PTPRD: variants seen among roughly 807,000 people sequenced by gnomAD.
PTPRD encodes protein tyrosine phosphatase receptor type D.
In PTPRD, 34 loss-of-function variants were observed where a neutral mutation model predicts 214.5. That is an observed-to-expected ratio of 0.16 (90% CI 0.12 to 0.21). The LOEUF is 0.21. Ranked by LOEUF, PTPRD falls within the 10% of genes least tolerant of loss-of-function variation. The probability of loss-of-function intolerance (pLI) is 1.00; values close to 1 mark genes in which losing one functional copy is unlikely to be tolerated. For synonymous variants in PTPRD, 1,128 were observed against 845.7 expected, an observed-to-expected ratio of 1.33 and a Z score of -5.79; for missense variants, 2,545 against 2,398.7, an observed-to-expected ratio of 1.06 and a Z score of -1.27.
chr9:10,027,073 T>C (rs953150310), intron 4 of PTPRD, among the ~76,000 whole-genome samples: 1 of 152,200 alleles, frequency 6.6e-6, no homozygotes, highest in Non-Finnish European at 1.5e-5. Flanking sequence ...GGGGCAATTC[T>C]TTCTATTAAT....
At chr9:9,654,145 T>C (rs1266880798) in intron 7 of PTPRD, among the ~76,000 whole-genome samples, 2 of 152,134 alleles carry the variant, frequency 1.3e-5, no homozygotes, top group African/African-American at 2.4e-5. Context: ...CAGGCTACAT[T>C]ATAATGTTTC....
chr9:10,275,174 C>A (rs181023975), intron 3 of PTPRD, among the ~76,000 whole-genome samples: 2 of 152,208 alleles, frequency 1.3e-5, no homozygotes, highest in African/African-American at 4.8e-5. Context: ...TACAGCAAAA[C>A]CTTCCTGTAG....
intron 12 of PTPRD, among the ~76,000 whole-genome samples, chr9:8,700,150 A>C (rs1374904703): frequency 1.3e-5 from 2 of 152,174 alleles, no homozygotes; most frequent in Admixed American, 1.3e-4. Context: ...CTTTTTAATC[A>C]ATGCATGTGA....
chr9:8,571,553 G>C (rs1248816067), intron 14 of PTPRD, among the ~76,000 whole-genome samples: 1 of 151,980 alleles, frequency 6.6e-6, no homozygotes, highest in Non-Finnish European at 1.5e-5. Flanking sequence ...AAAATCAATG[G>C]TTTTCTTCAC....
intron 3 of PTPRD, among the ~76,000 whole-genome samples, chr9:10,331,594 G>A (rs1432983530): frequency 2.0e-5 from 3 of 151,764 alleles, no homozygotes; most frequent in Non-Finnish European, 4.4e-5. Context: ...TCCTGCTCTT[G>A]TGTTATACAC....
chr9:9,908,676 A>G (rs1409368225), intron 5 of PTPRD, among the ~76,000 whole-genome samples: 1 of 152,032 alleles, frequency 6.6e-6, no homozygotes, highest in East Asian at 1.9e-4. Flanking sequence ...TTAATATGTG[A>G]GTTTTCTGTT....
chr9:9,676,289 A>G (rs1370166188), intron 7 of PTPRD, among the ~76,000 whole-genome samples: 2 of 48,968 alleles, frequency 4.1e-5, no homozygotes, highest in South Asian at 1.6e-3. Flanking sequence ...CCCCCACCCC[A>G]CAACAGGCCC....
At chr9:8,417,590 G>T (rs1320302460) in intron 35 of PTPRD, among the ~76,000 whole-genome samples, 1 of 152,116 alleles carries the variant, frequency 6.6e-6, no homozygotes, top group Non-Finnish European at 1.5e-5. Flanking sequence ...CATTAACAAA[G>T]AACTGCATTG....
At chr9:8,507,154 G>T in intron 22 of PTPRD, 147 bp downstream of exon 22, 1 of 825,804 alleles carries the variant, frequency 1.2e-6, no homozygotes, top group Non-Finnish European at 1.7e-6. Context: ...GGGGGGAGGG[G>T]GAGTCAAGTT....
chr9:9,500,267 C>G (rs1335879481), intron 8 of PTPRD, among the ~76,000 whole-genome samples: 1 of 152,120 alleles, frequency 6.6e-6, no homozygotes, highest in Admixed American at 6.6e-5. Context: ...CTTGGCCTCT[C>G]GATGTAAACA....
chr9:10,396,240 A>G (rs2098167952), intron 2 of PTPRD, among the ~76,000 whole-genome samples: 1 of 152,030 alleles, frequency 6.6e-6, no homozygotes, highest in African/African-American at 2.4e-5. Flanking sequence ...AGGACCCTCT[A>G]GACTTTATCT....
chr9:8,341,453 C>G (rs898370974), intron 40 of PTPRD, among the ~76,000 whole-genome samples, 185 bp from the exon 41 acceptor site: 3 of 152,002 alleles, frequency 2.0e-5, no homozygotes, highest in Non-Finnish European at 4.4e-5. Context: ...TATTGGATTT[C>G]TATATATTTT....
intron 4 of PTPRD, among the ~76,000 whole-genome samples, chr9:9,970,451 AAAAAGAAAAAG>A (rs1438037436): frequency 4.7e-5 from 6 of 127,398 alleles, no homozygotes; most frequent in South Asian, 2.4e-4. Context: ...AAAGAAAAAG[AAAAAGAAAAAG>A]AAAAAAAAAA....
chr9:10,211,720 T>C (rs2099517955), intron 3 of PTPRD, among the ~76,000 whole-genome samples: 1 of 152,156 alleles, frequency 6.6e-6, no homozygotes, highest in Non-Finnish European at 1.5e-5. Flanking sequence ...AACCATATAT[T>C]CTTACTTAGA....
At position 9,426,125 on chromosome 9, in the gene PTPRD, A is replaced by G. The variant is rs900447737; in HGVS notation, c.-236-28643T>C. ...AGGGTGAGGCATCGCCTCACCCGGG[A>G]AGCACAAGGGGTTGGGGAATTCCCT... On this transcript the variant is annotated intron_variant, in intron 8 of 45. Coordinates refer to ENST00000381196, the MANE Select transcript of PTPRD (RefSeq NM_002839.4). Among the ~76,000 whole-genome samples the G allele has an allele frequency of 4.6e-5, 7 of 152,248 alleles. No homozygotes were observed. In the South Asian group the frequency reaches 1.5e-3, roughly 32 times the overall value.
At chr9:9,569,700 T>C (rs150722488) in intron 8 of PTPRD, among the ~76,000 whole-genome samples, 1 of 151,488 alleles carries the variant, frequency 6.6e-6, no homozygotes, top group African/African-American at 2.4e-5. Flanking sequence ...TTTAGACAAA[T>C]AGGAAAGTCT....
intron 5 of PTPRD, among the ~76,000 whole-genome samples, chr9:9,798,433 G>A (rs2153498549): frequency 6.6e-6 from 1 of 152,216 alleles, no homozygotes; most frequent in Middle Eastern, 3.4e-3. Flanking sequence ...ATAAATTGGG[G>A]GGAATTTATC....
Position 9,480,902 on chromosome 9 carries a change from T to C in PTPRD, c.-236-83420A>G, listed in dbSNP as rs183551992. Among the ~76,000 whole-genome samples the C allele has an allele frequency of 1.4e-4, 22 of 152,284 alleles. No homozygotes were observed. The East Asian group carries it at 3.7e-3, about 25-fold the overall frequency. On this transcript the variant is annotated intron_variant, in intron 8 of 45. Transcript: ENST00000381196. ...GATGGAACTGTCAAAGGATTAATCA[T>C]GCTGTCTACAGGCTTCCTTCATATG...
chr9:8,546,583 C>A (rs564418683), intron 14 of PTPRD, among the ~76,000 whole-genome samples: 12 of 152,114 alleles, frequency 7.9e-5, no homozygotes, highest in Non-Finnish European at 1.8e-4. Flanking sequence ...ACTGCAACCT[C>A]TGCCTCCCAG....
Sources: allele counts gnomAD v4.1 joint callset (sites outside exome capture counted in the v4.1 genomes callset), GRCh38; gene constraint gnomAD v4.1.1; transcripts MANE v1.5; gene names NCBI Gene and HGNC (gene_info 2026-07-23, HGNC 2026-07-21).